The following TMEM45B variants were observed in gnomAD, a reference collection of about 807,000 sequenced individuals.
The protein encoded by TMEM45B is transmembrane protein 45B.
In TMEM45B, 29 loss-of-function variants were observed where a neutral mutation model predicts 27.3. That is an observed-to-expected ratio of 1.06 (90% CI 0.79 to 1.45). TMEM45B has a LOEUF of 1.45. Ranked by LOEUF, TMEM45B falls within the 40% of genes most tolerant of loss-of-function variation. The pLI is 0.00. For synonymous variants in TMEM45B, 143 were observed against 134.7 expected, an observed-to-expected ratio of 1.06 and a Z score of -0.43; for missense variants, 348 against 343.9, an observed-to-expected ratio of 1.01 and a Z score of -0.09.
chr11:129,830,033 G>C (rs1947529719), intron 1 of TMEM45B, among the ~76,000 whole-genome samples: 1 of 152,248 alleles, frequency 6.6e-6, no homozygotes, highest in East Asian at 1.9e-4. Context: ...CAAAAGTTAA[G>C]TCAAAATAGA....
chr11:129,856,491 G>GT (rs1253524058), intron 4 of TMEM45B, among the ~76,000 whole-genome samples: 1 of 151,492 alleles, frequency 6.6e-6, no homozygotes, highest in African/African-American at 2.4e-5. Context: ...GATTATAGGC[G>GT]TGAGCCACTG....
intron 2 of TMEM45B, among the ~76,000 whole-genome samples, chr11:129,853,683 T>TA (rs1395075869): frequency 6.6e-6 from 1 of 151,800 alleles, no homozygotes; most frequent in African/African-American, 2.4e-5. Flanking sequence ...GCATAGGAGA[T>TA]ACACTGGGGA....
At chr11:129,853,252 C>T (rs1027571519) in intron 2 of TMEM45B, among the ~76,000 whole-genome samples, 1 of 152,220 alleles carries the variant, frequency 6.6e-6, no homozygotes, top group Non-Finnish European at 1.5e-5. Context: ...GCATCCACTC[C>T]GCTCCACTGC....
intron 1 of TMEM45B, among the ~76,000 whole-genome samples, chr11:129,823,469 A>G (rs1947444863): frequency 6.6e-6 from 1 of 152,166 alleles, no homozygotes; most frequent in South Asian, 2.1e-4. Flanking sequence ...GCACAGGCCC[A>G]GGCTTGTCAC....
intron 1 of TMEM45B, among the ~76,000 whole-genome samples, chr11:129,817,422 T>C (rs1947366590): frequency 1.3e-5 from 2 of 152,188 alleles, no homozygotes; most frequent in Non-Finnish European, 2.9e-5. Context: ...TGGGAAAAGA[T>C]ATGGAACTGA....
At chr11:129,856,459 C>CCT (rs1947926854) in intron 4 of TMEM45B, among the ~76,000 whole-genome samples, 1 of 152,004 alleles carries the variant, frequency 6.6e-6, no homozygotes, top group Non-Finnish European at 1.5e-5. Flanking sequence ...GATCCGCCTG[C>CCT]CTCAGCCTCC....
chr11:129,836,968 G>T (rs1183454591), intron 1 of TMEM45B, among the ~76,000 whole-genome samples: 1 of 151,814 alleles, frequency 6.6e-6, no homozygotes, highest in Non-Finnish European at 1.5e-5. Context: ...CAAACCTGTA[G>T]AAATATAAAA....
intron 1 of TMEM45B, among the ~76,000 whole-genome samples, chr11:129,822,483 A>C (rs1006526575): frequency 6.6e-6 from 1 of 152,214 alleles, no homozygotes; most frequent in African/African-American, 2.4e-5. Context: ...GCTTATCATC[A>C]TCTGTCTCTA....
intron 1 of TMEM45B, among the ~76,000 whole-genome samples, chr11:129,839,359 G>A (rs1298867235): frequency 1.3e-5 from 2 of 152,134 alleles, no homozygotes. Flanking sequence ...GAAAAGCTAT[G>A]CATCTATAGG....
rs1354545631 is a variant in TMEM45B, at chr11:129,859,194, C to G, written c.*509C>G. The G allele has an allele frequency of 1.3e-5, 2 of 152,214 alleles. No individual in the cohort carries two copies. Among genetic ancestry groups the G allele is most frequent in the South Asian group, 2.1e-4 (1 of 4,826 alleles). The allele number at this position is 152,214 out of a possible 1,614,324, so 9.4% of individuals were successfully genotyped here. The stretch of plus-strand genomic sequence containing the variant: ...CATATTTTTTGAAAGTAAAATAATT[C>G]ACAAGCTTTGGTATTTTAAAATTAT... On this transcript the variant is annotated 3_prime_UTR_variant, in exon 6 of 6. Coordinates refer to ENST00000281441, the MANE Select transcript of TMEM45B (RefSeq NM_138788.5).
intron 1 of TMEM45B, among the ~76,000 whole-genome samples, chr11:129,847,937 G>A (rs1272286758): frequency 3.3e-5 from 5 of 152,148 alleles, no homozygotes; most frequent in Admixed American, 6.5e-5. Flanking sequence ...CCGGGCAGAG[G>A]GGCTCCTCAC....
At chr11:129,843,183 C>T (rs190114681) in intron 1 of TMEM45B, among the ~76,000 whole-genome samples, 211 of 152,290 alleles carry the variant, frequency 1.4e-3, no homozygotes, top group South Asian at 2.1e-3. Flanking sequence ...TCAGGTGATC[C>T]GCCTGCCTCA....
chr11:129,852,497 G>C lies in TMEM45B; in HGVS notation c.15G>C (p.Lys5Asn). MANF[K>N]GHALPGSFFL... ...TAGGTGTCCTGATGGCAAATTTCAA[G>C]GGCCACGCGCTTCCAGGGAGTTTCT... The change falls in exon 2 of 6, where the codon AAG (lysine) becomes AAC (asparagine). Residue 5 changes from lysine to asparagine, a missense_variant. By Grantham distance (94) the Lys-to-Asn change is moderately conservative. Transcript: ENST00000281441. 2 of 1,592,556 alleles carry C rather than the reference G, an allele frequency of 1.3e-6. No individual in the cohort carries two copies. Among genetic ancestry groups the C allele is most frequent in the Non-Finnish European group, 1.7e-6 (2 of 1,163,286 alleles).
At chr11:129,856,220 G>A (rs1947922337) in intron 4 of TMEM45B, among the ~76,000 whole-genome samples, 1 of 152,076 alleles carries the variant, frequency 6.6e-6, no homozygotes, top group African/African-American at 2.4e-5. Context: ...GTTCTGTTTT[G>A]TTGTTTGTTT....
chr11:129,815,865 C>T lies in TMEM45B; in HGVS notation c.-42C>T. 1.5e-6 allele frequency: 2 copies of T among 1,305,934 alleles called. No homozygotes were observed. The highest frequency in any genetic ancestry group is 9.7e-7 in the Non-Finnish European group (1 of 1,035,414). The allele number at this position is 1,305,934 out of a possible 1,614,324, so 80.9% of individuals were successfully genotyped here. A position where few individuals can be genotyped will look rare whatever the true frequency, so the allele number is the denominator to read the frequency against. ...GGGCGGACGCACTTGGCGCGCGGCG[C>T]GGGCTGCAGACGGCTGCGAGGCGCT... On this transcript the variant is annotated 5_prime_UTR_variant, in exon 1 of 6. Transcript: ENST00000281441.
intron 1 of TMEM45B, among the ~76,000 whole-genome samples, chr11:129,847,824 T>G (rs570279234): frequency 6.6e-6 from 1 of 152,072 alleles, no homozygotes; most frequent in Non-Finnish European, 1.5e-5. Context: ...TTCTCAATCT[T>G]TTCCCCACCT....
intron 4 of TMEM45B, 66 bp from the exon 5 acceptor site, chr11:129,857,244 CAGG>C (rs1460629801): frequency 5.7e-6 from 9 of 1,585,120 alleles, no homozygotes; most frequent in African/African-American, 5.4e-5. Context: ...TCGGTGGCCA[CAGG>C]AGAACGGCTA....
At chr11:129,822,455 G>A (rs2135552384) in intron 1 of TMEM45B, among the ~76,000 whole-genome samples, 1 of 152,314 alleles carries the variant, frequency 6.6e-6, no homozygotes, top group South Asian at 2.1e-4. Flanking sequence ...TGGTTAAGCA[G>A]AGAAGGCCTT....
At chr11:129,853,908 C>T (rs1479527577) in intron 2 of TMEM45B, among the ~76,000 whole-genome samples, 3 of 152,218 alleles carry the variant, frequency 2.0e-5, no homozygotes, top group East Asian at 1.9e-4. Context: ...AAAGACAAAT[C>T]TTTTGCCTTC....
Sources: allele counts gnomAD v4.1 joint callset (sites outside exome capture counted in the v4.1 genomes callset), GRCh38; gene constraint gnomAD v4.1.1; transcripts MANE v1.5; gene names NCBI Gene and HGNC (gene_info 2026-07-23, HGNC 2026-07-21).